ALPK1: variants seen among roughly 807,000 people sequenced by gnomAD.
ALPK1 encodes alpha-protein kinase 1.
A neutral mutation model predicts 120.6 loss-of-function variants in ALPK1; 110 were observed. The observed-to-expected ratio is 0.91, with a 90% confidence interval of 0.78 to 1.07. The LOEUF (loss-of-function observed/expected upper bound fraction) is 1.07, where lower values mean the gene tolerates loss of function less well. Ranked by LOEUF, ALPK1 falls within the 50% of genes least tolerant of loss-of-function variation. The probability of loss-of-function intolerance (pLI) is 0.00; values close to 1 mark genes in which losing one functional copy is unlikely to be tolerated. For missense variants in ALPK1, 1,498 were observed against 1,483.9 expected, an observed-to-expected ratio of 1.01 and a Z score of -0.16; for synonymous variants, 582 against 560.3, an observed-to-expected ratio of 1.04 and a Z score of -0.55.
intron 2 of ALPK1, among the ~76,000 whole-genome samples, chr4:112,339,231 C>T (rs1478196961): frequency 2.6e-5 from 4 of 152,136 alleles, no homozygotes; most frequent in Non-Finnish European, 4.4e-5. Flanking sequence ...CTCTGAGTTT[C>T]CTGGGAGTAA....
chr4:112,364,464 G>A (rs1019577522), intron 2 of ALPK1, among the ~76,000 whole-genome samples: 1 of 151,968 alleles, frequency 6.6e-6, no homozygotes, highest in Non-Finnish European at 1.5e-5. Flanking sequence ...AAACCTAGAG[G>A]AGATGGATAA....
chr4:112,402,736 T>C (rs1488387897), intron 4 of ALPK1, among the ~76,000 whole-genome samples: 1 of 152,084 alleles, frequency 6.6e-6, no homozygotes, highest in East Asian at 1.9e-4. Context: ...ACAGGAAAAA[T>C]ACAATTTGGT....
chr4:112,353,023 T>C (rs1730434983), intron 2 of ALPK1: 1 of 141,328 alleles, frequency 7.1e-6, no homozygotes, highest in East Asian at 2.3e-4. Flanking sequence ...CAGGCTGAAC[T>C]GGACTGCAGT....
At position 112,304,428 on chromosome 4, in the gene ALPK1, T is replaced by G. The variant is rs928279556; in HGVS notation, c.-153+6959T>G. On this transcript the variant is annotated intron_variant, in intron 1 of 15. Transcript: ENST00000650871. ...CAGCACCTGTTGTTTCCTGACTTTT[T>G]AATGATTGCCATTCTAACTGGTGTG... Among the ~76,000 whole-genome samples, 65 of 152,274 alleles carry G rather than the reference T, an allele frequency of 4.3e-4. 1 individual carries two copies. Among genetic ancestry groups the G allele is most frequent in the African/African-American group, 1.5e-3 (63 of 41,510 alleles).
chr4:112,364,268 CA>C (rs764970045), intron 2 of ALPK1, among the ~76,000 whole-genome samples: 4 of 151,122 alleles, frequency 2.6e-5, no homozygotes, highest in Non-Finnish European at 4.4e-5. Context: ...ATAAATAAAA[CA>C]AAAAGCTGGT....
At chr4:112,324,054 G>A (rs918582719) in intron 2 of ALPK1, among the ~76,000 whole-genome samples, 5 of 152,142 alleles carry the variant, frequency 3.3e-5, no homozygotes, top group African/African-American at 9.6e-5. Context: ...TTGGCCAGGC[G>A]TGGTGGCTCA....
intron 9 of ALPK1, chr4:112,428,234 G>T (rs1336497064): frequency 6.6e-6 from 1 of 152,638 alleles, no homozygotes; most frequent in Non-Finnish European, 1.5e-5. Flanking sequence ...AACCTCTGCA[G>T]TTTACACAAC....
chr4:112,358,785 A>G (rs1276940085), intron 2 of ALPK1: 3 of 826,230 alleles, frequency 3.6e-6, no homozygotes, highest in Non-Finnish European at 6.5e-6. Context: ...CAAGCTCTTC[A>G]TGGTGGCCAT....
At chr4:112,429,333 A>G in intron 10 of ALPK1, 80 bp downstream of exon 10, 2 of 1,110,780 alleles carry the variant, frequency 1.8e-6, no homozygotes, top group East Asian at 2.4e-5. Flanking sequence ...GAGAAGGGAA[A>G]GGTTTAACCT....
At chr4:112,368,530 T>A (rs1731255647) in intron 2 of ALPK1, among the ~76,000 whole-genome samples, 1 of 152,218 alleles carries the variant, frequency 6.6e-6, no homozygotes. Context: ...CTCATGCGTC[T>A]TAGTATTTTA....
chr4:112,395,265 T>C, intron 4 of ALPK1, among the ~76,000 whole-genome samples: 1 of 152,210 alleles, frequency 6.6e-6, no homozygotes, highest in Non-Finnish European at 1.5e-5. Flanking sequence ...GCCCTGGATT[T>C]CCTTCTCCCA....
intron 2 of ALPK1, among the ~76,000 whole-genome samples, chr4:112,340,799 T>A (rs1274004422): frequency 6.6e-6 from 1 of 152,258 alleles, no homozygotes; most frequent in African/African-American, 2.4e-5. Flanking sequence ...ATCAGTTTTT[T>A]AAAACTGCAC....
intron 2 of ALPK1, among the ~76,000 whole-genome samples, chr4:112,370,481 C>A (rs1480011454): frequency 6.6e-6 from 1 of 152,084 alleles, no homozygotes; most frequent in Non-Finnish European, 1.5e-5. Context: ...TGGGGAATTC[C>A]CATTGTTTAA....
At chr4:112,356,245 C>T in intron 2 of ALPK1, 1 of 1,460,662 alleles carries the variant, frequency 6.8e-7, no homozygotes, top group Non-Finnish European at 9.6e-7. Flanking sequence ...TGAATGGCAT[C>T]CTGGAGAGCC....
intron 4 of ALPK1, among the ~76,000 whole-genome samples, chr4:112,387,499 T>C (rs1732204923): frequency 2.0e-5 from 3 of 152,182 alleles, no homozygotes; most frequent in Admixed American, 2.0e-4. Context: ...CAAGATCATT[T>C]TTATAGGTTG....
At chr4:112,388,157 C>T (rs1028720577) in intron 4 of ALPK1, among the ~76,000 whole-genome samples, 1 of 152,060 alleles carries the variant, frequency 6.6e-6, no homozygotes, top group African/African-American at 2.4e-5. Flanking sequence ...TAATATGTCT[C>T]TTTGTATTAT....
chr4:112,357,043 C>A, intron 2 of ALPK1: 1 of 865,916 alleles, frequency 1.2e-6, no homozygotes, highest in Non-Finnish European at 1.9e-6. Flanking sequence ...ACCCCACCAG[C>A]TCAGGGCTGA....
intron 2 of ALPK1, among the ~76,000 whole-genome samples, chr4:112,350,494 A>G (rs1008076501): frequency 1.3e-5 from 2 of 152,236 alleles, no homozygotes; most frequent in Admixed American, 6.5e-5. Flanking sequence ...TGGTATAAAC[A>G]GCGCATTTCC....
intron 4 of ALPK1, among the ~76,000 whole-genome samples, chr4:112,402,573 G>A (rs1426441453): frequency 1.3e-5 from 2 of 152,032 alleles, no homozygotes; most frequent in East Asian, 1.9e-4. Flanking sequence ...TTAGAACCCC[G>A]TTATTTCCCA....
Sources: gnomAD v4.1 joint callset for allele counts (sites outside exome capture counted in the v4.1 genomes callset) on GRCh38, gnomAD v4.1.1 for gene constraint, MANE v1.5 for transcripts, NCBI Gene and HGNC (gene_info 2026-07-23, HGNC 2026-07-21) for gene names.